The following AAMDC variants were observed in gnomAD, a reference collection of about 807,000 sequenced individuals.
AAMDC encodes the protein mth938 domain-containing protein.
AAMDC carries 16 observed loss-of-function variants against 15.5 expected under a neutral mutation model. That is an observed-to-expected ratio of 1.03 (90% CI 0.70 to 1.57). AAMDC has a LOEUF of 1.57. AAMDC is among the 40% of genes most tolerant of loss of function. The probability of loss-of-function intolerance (pLI) is 0.00; values close to 1 mark genes in which losing one functional copy is unlikely to be tolerated. For synonymous variants in AAMDC, 51 were observed against 51.6 expected (o/e 0.99, Z 0.05); for missense variants, 141 against 144.9 (o/e 0.97, Z 0.14).
intron 1 of AAMDC, among the ~76,000 whole-genome samples, chr11:77,833,587 C>G (rs1949553206): frequency 6.6e-6 from 1 of 152,196 alleles, no homozygotes; most frequent in Non-Finnish European, 1.5e-5. Context: ...CAGTTCCTAA[C>G]AGATCACGGA....
chr11:77,901,997 G>A (rs1461068868), downstream of AAMDC, among the ~76,000 whole-genome samples: 2 of 152,122 alleles, frequency 1.3e-5, no homozygotes, highest in African/African-American at 4.8e-5. Flanking sequence ...CTGGTCTGAG[G>A]GAGTTTGGGA....
intron 1 of AAMDC, among the ~76,000 whole-genome samples, chr11:77,826,667 T>C (rs1949190425): frequency 6.6e-6 from 1 of 152,142 alleles, no homozygotes; most frequent in South Asian, 2.1e-4. Flanking sequence ...ACCGAACCTT[T>C]GAAACAGACA....
At chr11:77,832,934 C>A in intron 1 of AAMDC, among the ~76,000 whole-genome samples, 1 of 133,172 alleles carries the variant, frequency 7.5e-6, no homozygotes, top group Non-Finnish European at 1.6e-5. Flanking sequence ...TTATTGTGCA[C>A]TTTATTGTAT....
chr11:77,850,500 A>C (rs1243751849), intron 2 of AAMDC: 1 of 152,152 alleles, frequency 6.6e-6, no homozygotes, highest in Admixed American at 6.6e-5. Context: ...ATAGATCATC[A>C]TTCATGTGTC....
chr11:77,839,163 G>A (rs1031521147), intron 1 of AAMDC, among the ~76,000 whole-genome samples: 1 of 152,108 alleles, frequency 6.6e-6, no homozygotes, highest in Non-Finnish European at 1.5e-5. Context: ...TTTGGAGACA[G>A]AGTCTTGCTC....
intron 3 of AAMDC, 40 bp downstream of exon 3, chr11:77,869,857 G>C: frequency 1.3e-6 from 2 of 1,576,944 alleles, no homozygotes; most frequent in Admixed American, 1.7e-5. Flanking sequence ...GGACAGGTGG[G>C]GATCTCTTGG....
At chr11:77,879,684 A>G (rs1951719326) in intron 5 of AAMDC, among the ~76,000 whole-genome samples, 1 of 152,222 alleles carries the variant, frequency 6.6e-6, no homozygotes. Flanking sequence ...ATCTTACGAT[A>G]TAATCATCTA....
Position 77,826,244 on chromosome 11 carries a change from C to G in AAMDC, c.-19+5003C>G, listed in dbSNP as rs189713856. 3.9e-5 allele frequency among the ~76,000 whole-genome samples: 6 copies of G among 151,994 alleles called. No homozygotes were observed. The East Asian group carries it at 9.7e-4, about 25-fold the overall frequency. ...GGGCATGGTGGTGCATGCCTGTAGT[C>G]CCAGCTACTCGGGAGGCTGAGGCAG... On this transcript the variant is annotated intron_variant, in intron 1 of 3. Coordinates refer to ENST00000393427, the MANE Select transcript of AAMDC (RefSeq NM_024684.4).
chr11:77,902,949 T>C (rs1479770279), downstream of AAMDC, among the ~76,000 whole-genome samples: 1 of 152,206 alleles, frequency 6.6e-6, no homozygotes, highest in African/African-American at 2.4e-5. Context: ...AGATTCATGA[T>C]AGTAGAGACA....
intron 1 of AAMDC, among the ~76,000 whole-genome samples, chr11:77,838,907 C>T (rs113083840): frequency 0.021 from 3,150 of 152,258 alleles, 99 homozygotes; most frequent in African/African-American, 0.071. Context: ...TGAGCCACCG[C>T]GCCCAGCAAT....
intron 5 of AAMDC, among the ~76,000 whole-genome samples, chr11:77,883,512 A>C (rs1951872871): frequency 3.3e-5 from 5 of 152,306 alleles, no homozygotes; most frequent in Admixed American, 3.3e-4. Flanking sequence ...GTGACCAAGC[A>C]AGTCGGTGGC....
At chr11:77,887,557 G>T (rs968804895) in intron 5 of AAMDC, among the ~76,000 whole-genome samples, 1 of 152,142 alleles carries the variant, frequency 6.6e-6, no homozygotes, top group African/African-American at 2.4e-5. Flanking sequence ...ACATAGTGTT[G>T]GAAGTGCTGG....
At chr11:77,841,696 C>A (rs1445772964) in intron 1 of AAMDC, among the ~76,000 whole-genome samples, 1 of 152,150 alleles carries the variant, frequency 6.6e-6, no homozygotes, top group Non-Finnish European at 1.5e-5. Context: ...TCCTTGCAGC[C>A]TCTGGTCCAC....
At chr11:77,846,438 G>A (rs1282683597) in intron 2 of AAMDC, among the ~76,000 whole-genome samples, 3 of 152,208 alleles carry the variant, frequency 2.0e-5, no homozygotes, top group African/African-American at 4.8e-5. Flanking sequence ...GGCCAACATG[G>A]TGAAACCCCA....
downstream of AAMDC, among the ~76,000 whole-genome samples, chr11:77,872,764 A>G (rs1310616187): frequency 2.0e-5 from 3 of 152,172 alleles, no homozygotes; most frequent in Admixed American, 2.0e-4. Flanking sequence ...CCTAGCCAAC[A>G]TGGTGAAACC....
At chr11:77,900,531 A>C in intron 5 of AAMDC, 1 of 637,760 alleles carries the variant, frequency 1.6e-6, no homozygotes, top group Non-Finnish European at 2.8e-6. Context: ...TTAAGCATTC[A>C]TATTTATATC....
chr11:77,860,143 C>T (rs993679803), intron 2 of AAMDC, among the ~76,000 whole-genome samples: 1 of 152,176 alleles, frequency 6.6e-6, no homozygotes, highest in Non-Finnish European at 1.5e-5. Context: ...GTGATATATA[C>T]GAAGTCTTGC....
intron 3 of AAMDC, 137 bp from the exon 4 acceptor site, chr11:77,872,038 G>A (rs1013126310): frequency 3.9e-5 from 35 of 903,660 alleles, no homozygotes; most frequent in Non-Finnish European, 4.9e-5. Context: ...CCAAATTTTG[G>A]ACTGGTGATA....
At chr11:77,857,770 C>T (rs1950688622) in intron 2 of AAMDC, among the ~76,000 whole-genome samples, 1 of 150,856 alleles carries the variant, frequency 6.6e-6, no homozygotes, top group Admixed American at 6.6e-5. Context: ...AATCTTGGCT[C>T]ACTGCAGCCT....
Sources: allele counts gnomAD v4.1 joint callset (sites outside exome capture counted in the v4.1 genomes callset), GRCh38; gene constraint gnomAD v4.1.1; transcripts MANE v1.5; gene names NCBI Gene and HGNC (gene_info 2026-07-23, HGNC 2026-07-21).